ZNF385B: variants seen among roughly 807,000 people sequenced by gnomAD.
ZNF385B encodes zinc finger protein 385B, also known as zinc finger protein 533.
ZNF385B carries 23 observed loss-of-function variants against 39.2 expected under a neutral mutation model. The ratio of observed to expected loss-of-function variants is 0.59; its 90% CI spans 0.42 to 0.83. The LOEUF is 0.83. ZNF385B is among the 40% of genes least tolerant of loss of function. The pLI, the probability that ZNF385B is intolerant of heterozygous loss-of-function variation, is 0.00. For synonymous variants in ZNF385B, 205 were observed against 222.6 expected, an observed-to-expected ratio of 0.92 and a Z score of 0.70; for missense variants, 552 against 598.9, an observed-to-expected ratio of 0.92 and a Z score of 0.82.
intron 3 of ZNF385B, among the ~76,000 whole-genome samples, chr2:179,632,420 T>C (rs377714437): frequency 6.6e-6 from 1 of 152,222 alleles, no homozygotes; most frequent in East Asian, 1.9e-4. Flanking sequence ...CACAATTACA[T>C]GGAAACTGAA....
chr2:179,524,311 G>C (rs889555900), intron 4 of ZNF385B, among the ~76,000 whole-genome samples: 12 of 152,036 alleles, frequency 7.9e-5, no homozygotes, highest in African/African-American at 2.4e-4. Context: ...CCAGCACTTT[G>C]GGAAGCTGAG....
chr2:179,615,853 T>C (rs560142131), intron 3 of ZNF385B, among the ~76,000 whole-genome samples: 34 of 152,368 alleles, frequency 2.2e-4, no homozygotes, highest in African/African-American at 7.2e-4. Context: ...CAGCACATGT[T>C]AGTTACCATC....
intron 1 of ZNF385B, chr2:179,814,551 A>G: frequency 1.3e-6 from 1 of 788,956 alleles, no homozygotes; most frequent in Non-Finnish European, 2.0e-6. Flanking sequence ...CAACAACAAG[A>G]TTAACTGGGC....
At chr2:179,561,960 T>C (rs2061364418) in intron 3 of ZNF385B, among the ~76,000 whole-genome samples, 1 of 152,200 alleles carries the variant, frequency 6.6e-6, no homozygotes, top group Non-Finnish European at 1.5e-5. Context: ...CCAGCCACTA[T>C]TCTGTCAATC....
At chr2:179,559,353 C>T in intron 3 of ZNF385B, among the ~76,000 whole-genome samples, 1 of 152,020 alleles carries the variant, frequency 6.6e-6, no homozygotes, top group East Asian at 1.9e-4. Flanking sequence ...ACAGATTGGG[C>T]CAATAGTTGG....
chr2:179,773,098 A>C (rs1356567374), intron 1 of ZNF385B, among the ~76,000 whole-genome samples: 1 of 152,214 alleles, frequency 6.6e-6, no homozygotes, highest in Non-Finnish European at 1.5e-5. Flanking sequence ...GCAATCCGTC[A>C]GGAAATTTTC....
intron 3 of ZNF385B, among the ~76,000 whole-genome samples, chr2:179,557,731 C>T (rs1345922225): frequency 6.6e-6 from 1 of 150,724 alleles, no homozygotes; most frequent in Non-Finnish European, 1.5e-5. Context: ...AGTATATATA[C>T]ATATTTTAGA....
intron 1 of ZNF385B, among the ~76,000 whole-genome samples, chr2:179,842,618 A>T (rs891362878): frequency 6.6e-6 from 1 of 151,978 alleles, no homozygotes; most frequent in East Asian, 1.9e-4. Flanking sequence ...TGAAAAATTC[A>T]TATGTTCCTA....
chr2:179,712,119 G>C (rs1048665705), intron 3 of ZNF385B, among the ~76,000 whole-genome samples: 1 of 151,966 alleles, frequency 6.6e-6, no homozygotes, highest in African/African-American at 2.4e-5. Flanking sequence ...AACATTCACA[G>C]AAAAATTTAA....
intron 3 of ZNF385B, among the ~76,000 whole-genome samples, chr2:179,590,187 G>A (rs568359774): frequency 1.3e-5 from 2 of 152,316 alleles, no homozygotes; most frequent in South Asian, 4.1e-4. Context: ...TTGAACAAGA[G>A]AGGGCACATA....
chr2:179,615,997 C>T (rs568305290), intron 3 of ZNF385B, among the ~76,000 whole-genome samples: 2 of 152,102 alleles, frequency 1.3e-5, no homozygotes, highest in East Asian at 1.9e-4. Flanking sequence ...TTTAAAAGGA[C>T]GATAGCATAT....
intron 3 of ZNF385B, among the ~76,000 whole-genome samples, chr2:179,750,722 A>T (rs962231499): frequency 6.6e-6 from 1 of 152,138 alleles, no homozygotes; most frequent in Non-Finnish European, 1.5e-5. Context: ...CTTACTAATT[A>T]AGAGGTTTAA....
intron 3 of ZNF385B, among the ~76,000 whole-genome samples, chr2:179,662,288 G>A (rs1694579533): frequency 6.6e-6 from 1 of 151,808 alleles, no homozygotes; most frequent in African/African-American, 2.4e-5. Context: ...ATATCAAAAA[G>A]ATAAGTGGCT....
chr2:179,804,600 A>G (rs1438249023), intron 1 of ZNF385B, among the ~76,000 whole-genome samples: 1 of 152,220 alleles, frequency 6.6e-6, no homozygotes, highest in Non-Finnish European at 1.5e-5. Context: ...TCTGTACCTC[A>G]GTTTCCTTGT....
At chr2:179,462,393 C>T (rs1007195684) in intron 6 of ZNF385B, among the ~76,000 whole-genome samples, 1 of 152,046 alleles carries the variant, frequency 6.6e-6, no homozygotes, top group Non-Finnish European at 1.5e-5. Context: ...CTACAGCAGA[C>T]AAAAGGGGGA....
Position 179,595,891 on chromosome 2 carries a change from G to A in ZNF385B, c.299-50922C>T, listed in dbSNP as rs188133852. Among the ~76,000 whole-genome samples the A allele has an allele frequency of 1.2e-3, 176 of 151,950 alleles. 1 individual carries two copies. The highest frequency in any genetic ancestry group is 4.2e-3 in the African/African-American group (174 of 41,480). ...AATAACTGGTGAGTTCCTGAATCCAGGAATATGTGCATTTATAACTTCATA... is the reference window on the plus strand; with the variant it reads ...AATAACTGGTGAGTTCCTGAATCCAAGAATATGTGCATTTATAACTTCATA... On this transcript the variant is annotated intron_variant, in intron 3 of 9. Coordinates refer to ENST00000410066, the MANE Select transcript of ZNF385B (RefSeq NM_152520.6).
chr2:179,790,611 C>T (rs1416025891), intron 1 of ZNF385B, among the ~76,000 whole-genome samples: 3 of 152,206 alleles, frequency 2.0e-5, no homozygotes, highest in African/African-American at 7.2e-5. Context: ...GATGTAAAGA[C>T]TTCTAAGCCA....
chr2:179,536,726 T>G (rs2059588373), intron 4 of ZNF385B, among the ~76,000 whole-genome samples: 1 of 152,172 alleles, frequency 6.6e-6, no homozygotes, highest in Non-Finnish European at 1.5e-5. Context: ...ACCTTTCTCC[T>G]TAGCACAATG....
chr2:179,459,315 A>G (rs1308814532), intron 6 of ZNF385B, among the ~76,000 whole-genome samples: 1 of 152,192 alleles, frequency 6.6e-6, no homozygotes, highest in Non-Finnish European at 1.5e-5. Flanking sequence ...AGAAATTACA[A>G]TAAGTGGGGC....
Sources: gnomAD v4.1 joint callset for allele counts (sites outside exome capture counted in the v4.1 genomes callset) on GRCh38, gnomAD v4.1.1 for gene constraint, MANE v1.5 for transcripts, NCBI Gene and HGNC (gene_info 2026-07-23, HGNC 2026-07-21) for gene names.